MAST4: variants seen among roughly 807,000 people sequenced by gnomAD.
MAST4 encodes the protein microtubule-associated serine/threonine-protein kinase 4.
A neutral mutation model predicts 162.7 loss-of-function variants in MAST4; 89 were observed. The ratio of observed to expected loss-of-function variants is 0.55; its 90% CI spans 0.46 to 0.65. The LOEUF is 0.65. MAST4 is among the 30% of genes least tolerant of loss of function. The probability of loss-of-function intolerance (pLI) is 0.00; values close to 1 mark genes in which losing one functional copy is unlikely to be tolerated. For synonymous variants in MAST4, 1,479 were observed against 1,361.1 expected (o/e 1.09, Z -1.91); for missense variants, 3,153 against 3,374.0 (o/e 0.93, Z 1.62).
Position 67,164,161 on chromosome 5 carries a change from G to C in MAST4, c.4982G>C (p.Gly1661Ala), listed in dbSNP as rs766035256. 14 of 1,609,448 alleles carry C rather than the reference G, an allele frequency of 8.7e-6. No individual in the cohort carries two copies. The highest frequency in any genetic ancestry group is 1.7e-5 in the Admixed American group (1 of 59,406). The change falls in exon 29 of 29, where the codon GGG becomes GCG. Residue 1661 changes from glycine to alanine, a missense_variant. Transcript: ENST00000403625. This position sits in a 1 kb window ranked among gnomAD's most constrained non-coding sequence, Gnocchi z 5.3. ...CTCGACAGGGGCATCTCTGGGAAGGGGGAAGGCACGGAGAAGTCCTCCCAG... is the reference window on the plus strand; with the variant it reads ...CTCGACAGGGGCATCTCTGGGAAGGCGGAAGGCACGGAGAAGTCCTCCCAG... Reference protein sequence around the residue: ...HSLDRGISGKGEGTEKSSQAK... With the variant: ...HSLDRGISGKAEGTEKSSQAK...
At chr5:67,035,200 T>C (rs1755862108) in intron 4 of MAST4, among the ~76,000 whole-genome samples, 1 of 152,194 alleles carries the variant, frequency 6.6e-6, no homozygotes, top group Admixed American at 6.6e-5. Flanking sequence ...CTGGCCTGGC[T>C]TGGCTTTGAT....
At chr5:67,043,833 C>G (rs528169811) in intron 4 of MAST4, among the ~76,000 whole-genome samples, 1 of 152,100 alleles carries the variant, frequency 6.6e-6, no homozygotes, top group Non-Finnish European at 1.5e-5. Context: ...TCTTAATTCC[C>G]CAGTATGTCT....
chr5:66,641,619 C>T (rs972218220), intron 1 of MAST4, among the ~76,000 whole-genome samples: 12 of 152,130 alleles, frequency 7.9e-5, no homozygotes, highest in African/African-American at 2.9e-4. Flanking sequence ...ATGGCTGATT[C>T]CAGCTCTGGA....
chr5:66,622,093 GA>G (rs559685487), intron 1 of MAST4, among the ~76,000 whole-genome samples: 153 of 149,428 alleles, frequency 1.0e-3, no homozygotes, highest in Admixed American at 2.7e-3. Context: ...ACCCTAAGGA[GA>G]AAAAAAAAAT....
intron 1 of MAST4, among the ~76,000 whole-genome samples, chr5:66,632,132 C>T (rs576484608): frequency 3.9e-4 from 60 of 152,172 alleles, no homozygotes; most frequent in African/African-American, 1.4e-3. Context: ...ATTGTAATTG[C>T]CTAAAATTTA....
chr5:66,702,253 G>C (rs1409166868), intron 1 of MAST4, among the ~76,000 whole-genome samples: 7 of 152,152 alleles, frequency 4.6e-5, no homozygotes, highest in Admixed American at 2.6e-4. Flanking sequence ...CGACTGCCAT[G>C]GGGTTCACTC....
intron 4 of MAST4, among the ~76,000 whole-genome samples, chr5:66,958,698 C>T (rs1052916085): frequency 2.0e-5 from 3 of 152,142 alleles, no homozygotes. Flanking sequence ...TTATGTGGCA[C>T]TATTCCTCAT....
intron 4 of MAST4, among the ~76,000 whole-genome samples, chr5:66,965,548 A>G (rs1746609652): frequency 7.8e-6 from 1 of 127,802 alleles, no homozygotes; most frequent in Non-Finnish European, 1.6e-5. Context: ...CTGGACCTTG[A>G]AAAATATTGG....
At chr5:66,980,949 T>C (rs1748732257) in intron 4 of MAST4, among the ~76,000 whole-genome samples, 1 of 152,110 alleles carries the variant, frequency 6.6e-6, no homozygotes, top group African/African-American at 2.4e-5. Flanking sequence ...CCCGAGGAAG[T>C]GAACTGCAGG....
At chr5:66,606,824 G>A (rs1027295906) in intron 1 of MAST4, among the ~76,000 whole-genome samples, 9 of 151,570 alleles carry the variant, frequency 5.9e-5, no homozygotes, top group African/African-American at 1.9e-4. Context: ...AATGTGTGGC[G>A]AAGCAACATT....
At position 67,118,462 on chromosome 5, in the gene MAST4, G is replaced by A. The variant is rs565048871; in HGVS notation, c.1592-220G>A. On this transcript the variant is annotated intron_variant, in intron 12 of 28. Transcript: ENST00000403625. ...CAGCCTCTAAAGTTCCTATGTCTAG[G>A]TGTTTGCAAGAAATGGAGTTCTGGG... 4.9e-4 allele frequency among the ~76,000 whole-genome samples: 75 copies of A among 152,310 alleles called. No homozygotes were observed. In the Middle Eastern group the frequency reaches 0.02, roughly 41 times the overall value.
At chr5:66,749,400 C>A (rs1344898462) in intron 1 of MAST4, among the ~76,000 whole-genome samples, 1 of 152,176 alleles carries the variant, frequency 6.6e-6, no homozygotes, top group Non-Finnish European at 1.5e-5. Flanking sequence ...CCCTAGAATT[C>A]TGTGCTCTGG....
At chr5:66,749,476 G>A (rs971449238) in intron 1 of MAST4, among the ~76,000 whole-genome samples, 1 of 152,300 alleles carries the variant, frequency 6.6e-6, no homozygotes, top group South Asian at 2.1e-4. Flanking sequence ...TCTCACTTGA[G>A]CCATAAAAAC....
chr5:66,648,426 C>G (rs1312271555), intron 1 of MAST4, among the ~76,000 whole-genome samples: 1 of 152,008 alleles, frequency 6.6e-6, no homozygotes, highest in African/African-American at 2.4e-5. Context: ...TACGTCTCTT[C>G]CATAATTTAT....
chr5:66,717,594 C>T (rs1750922116), intron 1 of MAST4, among the ~76,000 whole-genome samples: 1 of 152,174 alleles, frequency 6.6e-6, no homozygotes, highest in Non-Finnish European at 1.5e-5. Flanking sequence ...TGGAAAAAGG[C>T]TTTCAGAAAT....
intron 4 of MAST4, among the ~76,000 whole-genome samples, chr5:66,964,806 A>G (rs1164876099): frequency 3.3e-5 from 5 of 152,248 alleles, no homozygotes; most frequent in Non-Finnish European, 7.3e-5. Flanking sequence ...CCGTCTCAAA[A>G]AAGAAAAAAT....
chr5:67,040,175 G>GTGA (rs1255047374), intron 4 of MAST4, among the ~76,000 whole-genome samples: 1 of 152,022 alleles, frequency 6.6e-6, no homozygotes, highest in African/African-American at 2.4e-5. Flanking sequence ...AACACTGAGA[G>GTGA]TGAGTTATCT....
intron 1 of MAST4, among the ~76,000 whole-genome samples, chr5:66,660,755 G>T (rs75456808): frequency 0.025 from 3,731 of 152,122 alleles, 166 homozygotes; most frequent in African/African-American, 0.086. Context: ...AAATATTTTA[G>T]AAACATTATA....
At position 67,163,034 on chromosome 5, in the gene MAST4, T is replaced by C; in HGVS notation, c.3968-113T>C. On this transcript the variant is annotated intron_variant, in intron 28 of 28. Transcript: ENST00000403625. This position sits in a 1 kb window ranked among gnomAD's most constrained non-coding sequence, Gnocchi z 7.0. ...AGTGTTTATTCCACTAGCTAAATGC[T>C]GAGACAATTTGCTGATCTTACCTGG... The C allele has an allele frequency of 8.0e-7, 1 of 1,246,068 alleles. No homozygotes were observed. 77.2% of individuals were successfully genotyped at this position (1,246,068 alleles called of 1,614,324 possible).
Sources: allele counts gnomAD v4.1 joint callset (sites outside exome capture counted in the v4.1 genomes callset), GRCh38; gene constraint gnomAD v4.1.1; non-coding constraint Gnocchi (gnomAD v3.1); transcripts MANE v1.5; gene names NCBI Gene and HGNC (gene_info 2026-07-23, HGNC 2026-07-21).